The following KCNQ5 variants were observed in gnomAD, a reference collection of about 807,000 sequenced individuals.
KCNQ5 encodes the protein potassium voltage-gated channel subfamily Q member 5.
Under a neutral mutation model 98.2 loss-of-function variants are expected in KCNQ5, and 30 were observed. The observed-to-expected ratio is 0.31, with a 90% CI of 0.23 to 0.41. The LOEUF (loss-of-function observed/expected upper bound fraction) is 0.41. Ranked by LOEUF, KCNQ5 falls within the 10% of genes least tolerant of loss-of-function variation. The pLI is 1.00. For missense variants in KCNQ5, 835 were observed against 1,182.5 expected, an observed-to-expected ratio of 0.71 and a Z score of 4.31; for synonymous variants, 458 against 449.4, an observed-to-expected ratio of 1.02 and a Z score of -0.24.
chr6:72,987,052 C>G (rs1768813733), intron 1 of KCNQ5: 1 of 727,458 alleles, frequency 1.4e-6, no homozygotes, highest in Non-Finnish European at 2.4e-6. Context: ...CCCTTCAGGT[C>G]CATGGAGAGC....
intron 2 of KCNQ5, among the ~76,000 whole-genome samples, chr6:73,039,014 G>T (rs771563348): frequency 2.0e-5 from 3 of 152,022 alleles, no homozygotes; most frequent in Non-Finnish European, 4.4e-5. Flanking sequence ...GAGTTCAATT[G>T]CTTTAGCGGT....
chr6:72,906,622 A>G (rs1406568611), intron 1 of KCNQ5, among the ~76,000 whole-genome samples: 1 of 152,176 alleles, frequency 6.6e-6, no homozygotes, highest in African/African-American at 2.4e-5. Context: ...AAATTGACTC[A>G]GCTTCAGGTA....
At chr6:72,640,420 CAT>C (rs138110241) in intron 1 of KCNQ5, among the ~76,000 whole-genome samples, 8,004 of 151,414 alleles carry the variant, frequency 0.053, 659 homozygotes, top group African/African-American at 0.18. Flanking sequence ...ATAATAGACA[CAT>C]GTGAAAAAAC....
At chr6:72,801,861 T>G (rs957082592) in intron 1 of KCNQ5, among the ~76,000 whole-genome samples, 5 of 150,796 alleles carry the variant, frequency 3.3e-5, no homozygotes, top group East Asian at 2.0e-4. Context: ...GTCTGTAAAG[T>G]ATTTTATTTC....
intron 2 of KCNQ5, among the ~76,000 whole-genome samples, chr6:73,040,579 A>G (rs1771643276): frequency 6.6e-6 from 1 of 152,198 alleles, no homozygotes; most frequent in African/African-American, 2.4e-5. Context: ...ATGTATGTTG[A>G]CCCTAATTTT....
chr6:73,056,316 G>C (rs1260499994), intron 3 of KCNQ5, among the ~76,000 whole-genome samples: 4 of 151,958 alleles, frequency 2.6e-5, no homozygotes, highest in Non-Finnish European at 1.5e-5. Context: ...TGTGACAACT[G>C]TTTCCTCCCT....
chr6:72,630,736 C>T (rs1347774832), intron 1 of KCNQ5: 3 of 152,034 alleles, frequency 2.0e-5, no homozygotes, highest in Admixed American at 1.3e-4. Context: ...CATGGTGGCT[C>T]TCGCTGAAAC....
At chr6:73,164,339 T>C (rs142844733) in intron 10 of KCNQ5, among the ~76,000 whole-genome samples, 3,556 of 152,300 alleles carry the variant, frequency 0.023, 60 homozygotes, top group Middle Eastern at 0.048. Context: ...CCAGCAAAGA[T>C]ATATTTCCTA....
At chr6:72,922,552 A>C (rs1195045997) in intron 1 of KCNQ5, among the ~76,000 whole-genome samples, 1 of 152,110 alleles carries the variant, frequency 6.6e-6, no homozygotes, top group Non-Finnish European at 1.5e-5. Flanking sequence ...TGCTCTGACC[A>C]ACATCTCCCC....
chr6:73,097,687 G>C (rs1190501274), intron 5 of KCNQ5, among the ~76,000 whole-genome samples: 1 of 152,114 alleles, frequency 6.6e-6, no homozygotes, highest in African/African-American at 2.4e-5. Context: ...CGTTTGTTTG[G>C]GAGAATGTAA....
At chr6:72,824,476 C>T (rs928682084) in intron 1 of KCNQ5, among the ~76,000 whole-genome samples, 3 of 151,992 alleles carry the variant, frequency 2.0e-5, no homozygotes, top group African/African-American at 7.2e-5. Flanking sequence ...CTGTTTTTCA[C>T]TTGGCATTTA....
intron 3 of KCNQ5, among the ~76,000 whole-genome samples, chr6:73,048,606 G>T (rs1330119816): frequency 6.6e-6 from 1 of 152,114 alleles, no homozygotes; most frequent in Non-Finnish European, 1.5e-5. Context: ...GCTGTTTAAT[G>T]CCCTGGGTTT....
chr6:72,745,724 T>C (rs1180237886), intron 1 of KCNQ5, among the ~76,000 whole-genome samples: 2 of 152,052 alleles, frequency 1.3e-5, no homozygotes, highest in Non-Finnish European at 2.9e-5. Context: ...AGCTGAGTGG[T>C]TCAAAAGAAC....
At chr6:73,095,049 G>A (rs1173675178) in intron 5 of KCNQ5, among the ~76,000 whole-genome samples, 2 of 152,132 alleles carry the variant, frequency 1.3e-5, no homozygotes, top group Non-Finnish European at 2.9e-5. Flanking sequence ...TCTTCCTCAA[G>A]AACACTGATT....
intron 1 of KCNQ5, among the ~76,000 whole-genome samples, chr6:72,824,497 C>G (rs1403340204): frequency 1.3e-5 from 2 of 151,988 alleles, no homozygotes; most frequent in African/African-American, 4.8e-5. Context: ...TTGATATTTT[C>G]TATTGCCTGA....
At chr6:72,986,855 C>A in intron 1 of KCNQ5, 1 of 994,088 alleles carries the variant, frequency 1.0e-6, no homozygotes, top group Non-Finnish European at 1.6e-6. Context: ...CCTCTCAGTC[C>A]AGAACCCTTG....
chr6:72,830,361 G>T (rs1005881206), intron 1 of KCNQ5, among the ~76,000 whole-genome samples: 1 of 152,170 alleles, frequency 6.6e-6, no homozygotes, highest in Non-Finnish European at 1.5e-5. Flanking sequence ...AACCAAAACA[G>T]CATGGTACTG....
chr6:72,815,015 G>T (rs1775435759), intron 1 of KCNQ5, among the ~76,000 whole-genome samples: 1 of 152,192 alleles, frequency 6.6e-6, no homozygotes, highest in Non-Finnish European at 1.5e-5. Flanking sequence ...GGGGAGGCAT[G>T]GTAAGGGAGT....
chr6:73,179,299 T>A (rs1181713115), intron 11 of KCNQ5, among the ~76,000 whole-genome samples: 2 of 152,166 alleles, frequency 1.3e-5, no homozygotes, highest in Non-Finnish European at 2.9e-5. Context: ...TGTGGCACCC[T>A]GAGGCAGCAC....
Sources: allele counts gnomAD v4.1 joint callset (sites outside exome capture counted in the v4.1 genomes callset), GRCh38; gene constraint gnomAD v4.1.1; transcripts MANE v1.5; gene names NCBI Gene and HGNC (gene_info 2026-07-23, HGNC 2026-07-21).